The following FLT3 variants were observed in gnomAD, a reference collection of about 807,000 sequenced individuals.
The protein encoded by FLT3 is fms related receptor tyrosine kinase 3.
In FLT3, 46 loss-of-function variants were observed where a neutral mutation model predicts 126.6. That is an observed-to-expected ratio of 0.36 (90% CI 0.29 to 0.46). The LOEUF (loss-of-function observed/expected upper bound fraction) is 0.46. FLT3 is among the 20% of genes least tolerant of loss of function. FLT3 has a pLI of 1.00. For missense variants in FLT3, 1,069 were observed against 1,190.3 expected (o/e 0.90, Z 1.50); for synonymous variants, 404 against 434.4 (o/e 0.93, Z 0.87).
chr13:28,028,600 G>A lies in FLT3; in HGVS notation c.1943-312C>T, dbSNP rs181725410. Among the ~76,000 whole-genome samples, 861 of 152,184 alleles carry A rather than the reference G, an allele frequency of 5.7e-3. 10 individuals are homozygous for A. Among genetic ancestry groups the A allele is most frequent in the Middle Eastern group, 0.02 (6 of 294 alleles). On this transcript the variant is annotated intron_variant, in intron 15 of 23. Transcript: ENST00000241453. ...TAATCCCAGCTACTTGGGAGGATGA[G>A]GCAGGAGAATCGCTTGAATGTGGGA...
At chr13:28,095,885 C>A (rs1478411992) in intron 1 of FLT3, among the ~76,000 whole-genome samples, 1 of 152,124 alleles carries the variant, frequency 6.6e-6, no homozygotes, top group Non-Finnish European at 1.5e-5. Flanking sequence ...CAGGAATACC[C>A]TCCCAGAGTA....
intron 4 of FLT3, among the ~76,000 whole-genome samples, chr13:28,056,935 T>C (rs1348256690): frequency 6.6e-6 from 1 of 152,122 alleles, no homozygotes; most frequent in Non-Finnish European, 1.5e-5. Flanking sequence ...TCCTGTGAGG[T>C]ACGTATTTTT....
At chr13:28,095,170 G>C (rs1879376795) in intron 1 of FLT3, among the ~76,000 whole-genome samples, 1 of 152,128 alleles carries the variant, frequency 6.6e-6, no homozygotes, top group Admixed American at 6.5e-5. Context: ...GCTCTACTCA[G>C]ACAAACCACC....
At chr13:28,005,332 A>AAAAAGAAAAAAGG (rs56691786) in intron 23 of FLT3, among the ~76,000 whole-genome samples, 8,173 of 152,046 alleles carry the variant, frequency 0.054, 690 homozygotes, top group African/African-American at 0.18. Flanking sequence ...CCATCTCAAA[A>AAAAAGAAAAAAGG]AAAAGAAAAA....
In FLT3 at chr13:28,076,518, A is replaced by T. The variant is rs73156246; in HGVS notation, c.44-5906T>A. Among the ~76,000 whole-genome samples, 1,138 of 152,326 alleles carry T rather than the reference A, an allele frequency of 7.5e-3. 7 individuals are homozygous for T. The highest frequency in any genetic ancestry group is 0.013 in the Non-Finnish European group (860 of 68,024). On this transcript the variant is annotated intron_variant, in intron 1 of 23. Coordinates refer to ENST00000241453, the MANE Select transcript of FLT3 (RefSeq NM_004119.3). The stretch of plus-strand genomic sequence containing the variant: ...AACAATGCAACCCCAGTCTGAGGCC[A>T]AAGGCCTGAGAGCCCCCAGAAGGCT...
intron 23 of FLT3, chr13:28,009,481 T>C (rs1871185486): frequency 6.6e-6 from 1 of 152,228 alleles, no homozygotes; most frequent in African/African-American, 2.4e-5. Flanking sequence ...TCAGGGATTT[T>C]CCACAGTTTC....
chr13:28,033,078 A>C (rs1873492656), intron 15 of FLT3, among the ~76,000 whole-genome samples: 1 of 151,792 alleles, frequency 6.6e-6, no homozygotes, highest in South Asian at 2.1e-4. Flanking sequence ...CCAGCACTTT[A>C]GGAGGCCAAG....
chr13:28,049,009 G>T (rs1189228899), intron 8 of FLT3, among the ~76,000 whole-genome samples: 1 of 152,164 alleles, frequency 6.6e-6, no homozygotes, highest in African/African-American at 2.4e-5. Context: ...TAACAGTGCG[G>T]TTAGTTGGTT....
At position 28,052,673 on chromosome 13, in the gene FLT3, A is replaced by G. The variant is rs780762819; in HGVS notation, c.486T>C (p.Asn162=). The change falls in exon 5 of 24, where the codon AAT becomes AAC. Residue 162 remains asparagine (N), a splice_region_variant and synonymous_variant. Coordinates refer to ENST00000241453, the MANE Select transcript of FLT3 (RefSeq NM_004119.3). ...YTILFTVSIR[N]TLLYTLRRPY... is the part of the protein sequence containing the mutation. ...GTCTTCTTAATGTGTAAAGCAGGGT[A>G]TCTAAAGCATCATAAGTTATTAACA... The G allele has an allele frequency of 1.9e-5, 30 of 1,588,966 alleles. 1 individual carries two copies. The South Asian group carries it at 3.2e-4, about 17-fold the overall frequency.
chr13:28,085,633 G>A (rs183895177), intron 1 of FLT3, among the ~76,000 whole-genome samples: 2 of 150,506 alleles, frequency 1.3e-5, no homozygotes. Context: ...ATACGTTTAG[G>A]ATTGTTATGT....
chr13:28,044,568 C>T (rs1032074306), intron 9 of FLT3, among the ~76,000 whole-genome samples: 1 of 152,118 alleles, frequency 6.6e-6, no homozygotes, highest in Non-Finnish European at 1.5e-5. Flanking sequence ...ATTTAGAGCA[C>T]TCAGAGGCGT....
intron 3 of FLT3, among the ~76,000 whole-genome samples, chr13:28,058,207 T>TTA (rs373178245): frequency 7.8e-6 from 1 of 127,674 alleles, no homozygotes; most frequent in Non-Finnish European, 1.6e-5. Flanking sequence ...TTTTAAAAAT[T>TTA]AAAAAAAAAA....
chr13:28,098,314 CAAAAAAAA>C (rs55675449), intron 1 of FLT3, among the ~76,000 whole-genome samples: 1 of 85,290 alleles, frequency 1.2e-5, no homozygotes. Flanking sequence ...GACTCCGTCT[CAAAAAAAA>C]AAAAAAAAAA....
intron 19 of FLT3, 41 bp from the exon 20 acceptor site, chr13:28,018,630 T>C: frequency 6.2e-7 from 1 of 1,608,022 alleles, no homozygotes; most frequent in South Asian, 1.1e-5. Context: ...CTGTGATGTG[T>C]ATTATCCTGG....
chr13:28,046,874 G>A (rs994191042), intron 9 of FLT3, among the ~76,000 whole-genome samples: 11 of 151,956 alleles, frequency 7.2e-5, no homozygotes, highest in African/African-American at 2.7e-4. Flanking sequence ...GGGATGACAG[G>A]TGTGACCCAC....
chr13:28,089,160 C>G (rs975034734), intron 1 of FLT3, among the ~76,000 whole-genome samples: 1 of 152,178 alleles, frequency 6.6e-6, no homozygotes, highest in Non-Finnish European at 1.5e-5. Context: ...TGCTACACTG[C>G]TATTAGAATG....
At chr13:28,058,720 C>T (rs1876260558) in intron 3 of FLT3, among the ~76,000 whole-genome samples, 2 of 152,248 alleles carry the variant, frequency 1.3e-5, no homozygotes, top group African/African-American at 2.4e-5. Context: ...AGGTTATATT[C>T]GAGAAGCCCT....
chr13:28,074,719 C>T (rs989800706), intron 1 of FLT3, among the ~76,000 whole-genome samples: 1 of 152,132 alleles, frequency 6.6e-6, no homozygotes, highest in South Asian at 2.1e-4. Flanking sequence ...CAGCTCACTG[C>T]GGCCTTGACC....
At chr13:28,036,079 T>C (rs766424980) in intron 10 of FLT3, 36 bp from the exon 11 acceptor site, 2 of 1,539,580 alleles carry the variant, frequency 1.3e-6, no homozygotes, top group Admixed American at 1.7e-5. Flanking sequence ...GCTCACTGGC[T>C]GGGCATAGTG....
Sources: gnomAD v4.1 joint callset for allele counts (sites outside exome capture counted in the v4.1 genomes callset) on GRCh38, gnomAD v4.1.1 for gene constraint, MANE v1.5 for transcripts, NCBI Gene and HGNC (gene_info 2026-07-23, HGNC 2026-07-21) for gene names.